The following SH3GL2 variants were observed in gnomAD, a reference collection of about 807,000 sequenced individuals.
SH3GL2 encodes the protein endophilin-A1.
Under a neutral mutation model 46.0 loss-of-function variants are expected in SH3GL2, and 24 were observed. That is an observed-to-expected ratio of 0.52 (90% CI 0.38 to 0.73). The LOEUF (loss-of-function observed/expected upper bound fraction) is 0.73. Ranked by LOEUF, SH3GL2 falls within the 30% of genes least tolerant of loss-of-function variation. The pLI, the probability that SH3GL2 is intolerant of heterozygous loss-of-function variation, is 0.00. For missense variants in SH3GL2, 413 were observed against 424.2 expected (o/e 0.97, Z 0.23); for synonymous variants, 196 against 147.1 (o/e 1.33, Z -2.40).
chr9:17,625,278 A>G lies in SH3GL2; in HGVS notation c.45+45991A>G, dbSNP rs756588044. Reference sequence around the variant, plus strand: ...GGTGGGAGCAGCCTGCAGAGGCCAGATAGTCCACATCTGTTGTTGATTGAA... The same window carrying G: ...GGTGGGAGCAGCCTGCAGAGGCCAGGTAGTCCACATCTGTTGTTGATTGAA... On this transcript the variant is annotated intron_variant, in intron 1 of 8. Transcript: ENST00000380607. 5.3e-5 allele frequency among the ~76,000 whole-genome samples: 8 copies of G among 152,238 alleles called. No individual in the cohort carries two copies. In the East Asian group the frequency reaches 1.4e-3, roughly 26 times the overall value.
intron 1 of SH3GL2, chr9:17,590,664 G>A (rs947135806): frequency 3.9e-5 from 6 of 152,102 alleles, no homozygotes; most frequent in African/African-American, 1.4e-4. Flanking sequence ...TTCTAGACAT[G>A]GAAAGCTCCT....
intron 1 of SH3GL2, among the ~76,000 whole-genome samples, chr9:17,736,999 A>G (rs1822356102): frequency 6.6e-6 from 1 of 152,148 alleles, no homozygotes. Context: ...TGGCACATAT[A>G]CACCATGGAA....
At chr9:17,707,296 A>C (rs1241844318) in intron 1 of SH3GL2, among the ~76,000 whole-genome samples, 1 of 151,964 alleles carries the variant, frequency 6.6e-6, no homozygotes, top group Non-Finnish European at 1.5e-5. Context: ...ACTGGCTCTC[A>C]TGTCTTTCTT....
chr9:17,774,287 T>C (rs1014635746), intron 3 of SH3GL2, among the ~76,000 whole-genome samples: 2 of 152,156 alleles, frequency 1.3e-5, no homozygotes, highest in African/African-American at 4.8e-5. Context: ...TTCCTTTTTC[T>C]TACCAAATTG....
At chr9:17,642,779 A>G (rs1232234358) in intron 1 of SH3GL2, among the ~76,000 whole-genome samples, 1 of 152,178 alleles carries the variant, frequency 6.6e-6, no homozygotes, top group Non-Finnish European at 1.5e-5. Context: ...GAAGTCAGGT[A>G]GCGTGATACC....
intron 1 of SH3GL2, among the ~76,000 whole-genome samples, chr9:17,616,354 A>G (rs1444397769): frequency 6.6e-6 from 1 of 152,228 alleles, no homozygotes; most frequent in Non-Finnish European, 1.5e-5. Context: ...AGGGCAAAAC[A>G]TAATATATGG....
At chr9:17,741,803 T>C (rs1202817847) in intron 1 of SH3GL2, among the ~76,000 whole-genome samples, 1 of 152,212 alleles carries the variant, frequency 6.6e-6, no homozygotes, top group African/African-American at 2.4e-5. Flanking sequence ...TTAGCAGTTT[T>C]ACTCAACGAG....
intron 1 of SH3GL2, among the ~76,000 whole-genome samples, chr9:17,734,506 G>C (rs181119971): frequency 6.6e-6 from 1 of 152,136 alleles, no homozygotes; most frequent in East Asian, 1.9e-4. Flanking sequence ...AAAGTTAAGA[G>C]GTAAGACATT....
chr9:17,784,466 A>T (rs555411479), intron 3 of SH3GL2, among the ~76,000 whole-genome samples: 1 of 152,034 alleles, frequency 6.6e-6, no homozygotes, highest in Non-Finnish European at 1.5e-5. Flanking sequence ...CCTTCTATTC[A>T]TTCTGTGTGT....
intron 1 of SH3GL2, among the ~76,000 whole-genome samples, chr9:17,598,453 G>C (rs1444645629): frequency 1.3e-5 from 2 of 152,228 alleles, no homozygotes; most frequent in African/African-American, 4.8e-5. Context: ...TGGTCATGCA[G>C]TGTTTCCCTG....
intron 1 of SH3GL2, among the ~76,000 whole-genome samples, chr9:17,729,444 T>TACAG (rs1563829857): frequency 6.6e-6 from 1 of 152,230 alleles, no homozygotes; most frequent in African/African-American, 2.4e-5. Context: ...TCTTTTGCTC[T>TACAG]ACAGAAGCTC....
At chr9:17,664,186 A>C (rs1420344304) in intron 1 of SH3GL2, among the ~76,000 whole-genome samples, 1 of 152,220 alleles carries the variant, frequency 6.6e-6, no homozygotes, top group Admixed American at 6.5e-5. Flanking sequence ...TGTGAGGCTA[A>C]AAATCTCGAA....
chr9:17,787,496 G>T lies in SH3GL2; in HGVS notation c.448G>T (p.Asp150Tyr). ...IDPLQNLHDK[D>Y]LREIQHHLKK... ...CCCTCTTCAGAATCTTCATGACAAA[G>T]ATCTTAGGGAAATTCAAGTATGTAC... Residue 150 changes from aspartate (D) to tyrosine (Y), a missense_variant, in exon 5 of 9, where the codon GAT becomes TAT. Physicochemically the swap from Asp to Tyr is radical, Grantham distance 160 (BLOSUM62 -3). Around this residue, in one of 3 missense-constraint regions of SH3GL2, gnomAD observed 160 missense variants for 192.3 expected, o/e 0.83. Transcript: ENST00000380607. The T allele has an allele frequency of 6.2e-7, 1 of 1,612,930 alleles. No individual in the cohort carries two copies. The highest frequency in any genetic ancestry group is 8.5e-7 in the Non-Finnish European group (1 of 1,179,224).
At chr9:17,630,243 A>G (rs1211406306) in intron 1 of SH3GL2, 1 of 152,220 alleles carries the variant, frequency 6.6e-6, no homozygotes, top group Non-Finnish European at 1.5e-5. Context: ...GTCTTTTTGT[A>G]ATGAAAGCTC....
At chr9:17,619,218 A>G (rs1189584197) in intron 1 of SH3GL2, among the ~76,000 whole-genome samples, 1 of 152,194 alleles carries the variant, frequency 6.6e-6, no homozygotes, top group Non-Finnish European at 1.5e-5. Context: ...CAGAGAAGGA[A>G]GTGATTCATC....
chr9:17,708,175 C>G (rs988706277), intron 1 of SH3GL2, among the ~76,000 whole-genome samples: 4 of 151,998 alleles, frequency 2.6e-5, no homozygotes, highest in Admixed American at 2.0e-4. Flanking sequence ...TTCTTCCCAT[C>G]GTGGTCATTG....
chr9:17,706,679 A>G (rs991229538), intron 1 of SH3GL2, among the ~76,000 whole-genome samples: 5 of 152,054 alleles, frequency 3.3e-5, no homozygotes, highest in African/African-American at 1.2e-4. Flanking sequence ...TTATGAAGAA[A>G]GATTTGTATC....
At chr9:17,654,741 C>A (rs1014354715) in intron 1 of SH3GL2, among the ~76,000 whole-genome samples, 6 of 152,254 alleles carry the variant, frequency 3.9e-5, no homozygotes, top group Admixed American at 2.6e-4. Context: ...AAATAGCATG[C>A]TGGCAGGAAT....
intron 1 of SH3GL2, among the ~76,000 whole-genome samples, chr9:17,745,181 T>A (rs967235527): frequency 1.3e-5 from 2 of 152,250 alleles, no homozygotes; most frequent in African/African-American, 4.8e-5. Context: ...TATTAAATGA[T>A]AAATTGAAAG....
Sources: allele counts gnomAD v4.1 joint callset (sites outside exome capture counted in the v4.1 genomes callset), GRCh38; gene constraint gnomAD v4.1.1; regional missense constraint gnomAD v4.1.1; transcripts MANE v1.5; gene names NCBI Gene and HGNC (gene_info 2026-07-23, HGNC 2026-07-21).